DLGAP1: variants seen among roughly 807,000 people sequenced by gnomAD.
DLGAP1 encodes the protein disks large-associated protein 1.
Under a neutral mutation model 90.8 loss-of-function variants are expected in DLGAP1, and 11 were observed. That is an observed-to-expected ratio of 0.12 (90% CI 0.08 to 0.20). The LOEUF (loss-of-function observed/expected upper bound fraction) is 0.20, where lower values mean the gene tolerates loss of function less well. Ranked by LOEUF, DLGAP1 falls within the 10% of genes least tolerant of loss-of-function variation. The pLI, the probability that DLGAP1 is intolerant of heterozygous loss-of-function variation, is 1.00. For missense variants in DLGAP1, 1,050 were observed against 1,333.8 expected, an observed-to-expected ratio of 0.79 and a Z score of 3.31; for synonymous variants, 558 against 540.7, an observed-to-expected ratio of 1.03 and a Z score of -0.44.
chr18:3,906,523 C>A (rs540289587), intron 3 of DLGAP1, among the ~76,000 whole-genome samples: 1 of 152,168 alleles, frequency 6.6e-6, no homozygotes, highest in Non-Finnish European at 1.5e-5. Context: ...CTTTTCTAGA[C>A]GTTTCCTCAA....
At chr18:3,618,877 G>T (rs1630098) in intron 7 of DLGAP1, among the ~76,000 whole-genome samples, 89,661 of 147,772 alleles carry the variant, frequency 0.61, 27,430 homozygotes, top group East Asian at 0.78. Flanking sequence ...AAGCGGAGCT[G>T]GCAGTGAGCC....
At chr18:4,175,467 G>A (rs1403334187) in intron 1 of DLGAP1, among the ~76,000 whole-genome samples, 1 of 152,030 alleles carries the variant, frequency 6.6e-6, no homozygotes, top group Non-Finnish European at 1.5e-5. Context: ...ATTCCTTTCG[G>A]CATTTATGTC....
chr18:4,040,801 C>T (rs1039598158), intron 2 of DLGAP1, among the ~76,000 whole-genome samples: 1 of 152,182 alleles, frequency 6.6e-6, no homozygotes, highest in African/African-American at 2.4e-5. Flanking sequence ...GGGGTTTCAG[C>T]ATTGTGTTCT....
intron 1 of DLGAP1, among the ~76,000 whole-genome samples, chr18:4,273,974 C>A (rs2079346331): frequency 6.6e-6 from 1 of 151,454 alleles, no homozygotes; most frequent in Admixed American, 6.6e-5. Flanking sequence ...CTTTTAGTTT[C>A]ATTGATTTTT....
rs1456680296 is a variant in DLGAP1, at chr18:3,711,390, A to G, written c.1591+17745T>C. 1.3e-5 allele frequency among the ~76,000 whole-genome samples: 2 copies of G among 152,260 alleles called. No homozygotes were observed. The highest frequency in any genetic ancestry group is 2.9e-5 in the Non-Finnish European group (2 of 68,052). ...CCAGGTAAATCGACCTGTTTATAAAATGTATATGCCCAATTAGTCTATTGG... is the reference window on the plus strand; with the variant it reads ...CCAGGTAAATCGACCTGTTTATAAAGTGTATATGCCCAATTAGTCTATTGG... On this transcript the variant is annotated intron_variant, in intron 7 of 12. Transcript: ENST00000315677. This position sits in a 1 kb window ranked among gnomAD's most constrained non-coding sequence, Gnocchi z 4.0.
Position 4,158,631 on chromosome 18 carries a change from C to T in DLGAP1, c.-266-7344G>A, listed in dbSNP as rs543442537. Among the ~76,000 whole-genome samples the T allele has an allele frequency of 1.2e-4, 18 of 152,240 alleles. 1 individual carries two copies. The East Asian group carries it at 2.7e-3, about 23-fold the overall frequency. Reference sequence around the variant, plus strand: ...CTCCTCAACGTCTTCTCTCATTTTCCGACTGACTTCTTGGACACTTGACCA... The same window carrying T: ...CTCCTCAACGTCTTCTCTCATTTTCTGACTGACTTCTTGGACACTTGACCA... On this transcript the variant is annotated intron_variant, in intron 1 of 12. Transcript: ENST00000315677.
At chr18:4,064,449 A>T (rs2075343338) in intron 2 of DLGAP1, among the ~76,000 whole-genome samples, 3 of 152,044 alleles carry the variant, frequency 2.0e-5, no homozygotes, top group Non-Finnish European at 4.4e-5. Context: ...ACTGCTAGCG[A>T]GACCAACAAA....
chr18:3,515,294 C>A (rs2050766862), intron 10 of DLGAP1, among the ~76,000 whole-genome samples: 1 of 150,266 alleles, frequency 6.7e-6, no homozygotes, highest in African/African-American at 2.5e-5. Context: ...CACGGTGAAA[C>A]CCCGTCTCTG....
intron 1 of DLGAP1, among the ~76,000 whole-genome samples, chr18:4,306,537 G>A (rs1380136919): frequency 6.6e-6 from 1 of 151,782 alleles, no homozygotes; most frequent in Non-Finnish European, 1.5e-5. Context: ...AGAGGGGGTT[G>A]GAGGAGGAGA....
At chr18:3,648,055 T>G (rs2059181785) in intron 7 of DLGAP1, among the ~76,000 whole-genome samples, 3 of 152,184 alleles carry the variant, frequency 2.0e-5, no homozygotes, top group African/African-American at 7.2e-5. Context: ...TCTTAACAGG[T>G]GCATGTTTAA....
chr18:4,195,531 T>TC (rs1245332877), intron 1 of DLGAP1, among the ~76,000 whole-genome samples: 1 of 152,178 alleles, frequency 6.6e-6, no homozygotes, highest in Admixed American at 6.5e-5. Context: ...TTATTGTTTT[T>TC]CACAGATGAC....
At chr18:4,368,676 CACACACAT>C (rs1199941780) in intron 1 of DLGAP1, among the ~76,000 whole-genome samples, 4 of 148,078 alleles carry the variant, frequency 2.7e-5, no homozygotes, top group Admixed American at 2.0e-4. Context: ...CACACACACA[CACACACAT>C]CCTATTGGTT....
At chr18:3,978,492 C>A in intron 3 of DLGAP1, 2 of 247,488 alleles carry the variant, frequency 8.1e-6, no homozygotes, top group South Asian at 1.1e-4. Flanking sequence ...CAGACCATGT[C>A]GTTGAGGTCA....
At chr18:4,080,863 C>T (rs1047549018) in intron 2 of DLGAP1, among the ~76,000 whole-genome samples, 8 of 151,392 alleles carry the variant, frequency 5.3e-5, no homozygotes, top group Non-Finnish European at 8.8e-5. Flanking sequence ...TTGTTCTCCC[C>T]GATGCATGTT....
chr18:3,846,080 G>GTGTGTC (rs1491050822), intron 4 of DLGAP1, among the ~76,000 whole-genome samples: 1 of 142,844 alleles, frequency 7.0e-6, no homozygotes, highest in African/African-American at 2.5e-5. Flanking sequence ...GTGTGTGTGT[G>GTGTGTC]TCTCATTTCG....
intron 1 of DLGAP1, among the ~76,000 whole-genome samples, chr18:4,381,433 A>G (rs547882314): frequency 2.8e-3 from 427 of 152,312 alleles, no homozygotes; most frequent in Non-Finnish European, 4.0e-3. Flanking sequence ...TCTTCTACTT[A>G]CTCCAAAATC....
chr18:4,271,647 C>T (rs941910097), intron 1 of DLGAP1, among the ~76,000 whole-genome samples: 6 of 152,068 alleles, frequency 3.9e-5, no homozygotes, highest in African/African-American at 1.4e-4. Flanking sequence ...ATTAGCTTGT[C>T]TTTGTAATAT....
intron 3 of DLGAP1, among the ~76,000 whole-genome samples, chr18:3,942,128 A>G (rs1400144281): frequency 6.6e-5 from 10 of 152,112 alleles, no homozygotes; most frequent in Admixed American, 6.5e-4. Flanking sequence ...TTTCATCCCA[A>G]CTTTGTGACC....
chr18:4,161,721 G>A (rs1417763714), intron 1 of DLGAP1, among the ~76,000 whole-genome samples: 1 of 152,178 alleles, frequency 6.6e-6, no homozygotes, highest in Non-Finnish European at 1.5e-5. Context: ...GGCAATGCTG[G>A]TTCCACTGCC....
Sources: allele counts gnomAD v4.1 joint callset (sites outside exome capture counted in the v4.1 genomes callset), GRCh38; gene constraint gnomAD v4.1.1; non-coding constraint Gnocchi (gnomAD v3.1); transcripts MANE v1.5; gene names NCBI Gene and HGNC (gene_info 2026-07-23, HGNC 2026-07-21).